STX18: variants seen among roughly 807,000 people sequenced by gnomAD.
STX18 encodes syntaxin 18.
A neutral mutation model predicts 50.1 loss-of-function variants in STX18; 40 were observed. That is an observed-to-expected ratio of 0.80 (90% CI 0.62 to 1.04). The LOEUF (loss-of-function observed/expected upper bound fraction) is 1.04. STX18 is among the 50% of genes least tolerant of loss of function. STX18 has a pLI of 0.00. For synonymous variants in STX18, 158 were observed against 151.8 expected (o/e 1.04, Z -0.30); for missense variants, 410 against 415.8 (o/e 0.99, Z 0.12).
At chr4:4,445,700 G>T (rs1726359073) in intron 5 of STX18, among the ~76,000 whole-genome samples, 1 of 152,092 alleles carries the variant, frequency 6.6e-6, no homozygotes, top group Admixed American at 6.5e-5. Context: ...GTGGAAGACA[G>T]AAATAAATGC....
At chr4:4,514,725 A>C (rs1730162987) in intron 1 of STX18, among the ~76,000 whole-genome samples, 1 of 152,114 alleles carries the variant, frequency 6.6e-6, no homozygotes, top group Non-Finnish European at 1.5e-5. Context: ...CAAAGGAGGT[A>C]CCCATACATT....
intron 1 of STX18, among the ~76,000 whole-genome samples, chr4:4,534,886 C>T (rs567082238): frequency 6.6e-6 from 1 of 152,380 alleles, no homozygotes; most frequent in East Asian, 1.9e-4. Flanking sequence ...ATTTACACAA[C>T]TAGGCAGTGG....
At chr4:4,447,145 GTTTTGGGATGTAGGA>G (rs897563051) in intron 5 of STX18, among the ~76,000 whole-genome samples, 10 of 152,176 alleles carry the variant, frequency 6.6e-5, no homozygotes, top group Middle Eastern at 3.2e-3. Flanking sequence ...TCAAATATTA[GTTTTGGGATGTAGGA>G]ATTGAGCAAC....
intron 9 of STX18, among the ~76,000 whole-genome samples, chr4:4,422,081 GC>G (rs1376395460): frequency 2.6e-5 from 4 of 152,156 alleles, no homozygotes; most frequent in African/African-American, 9.7e-5. Flanking sequence ...AGGGAGGAAG[GC>G]AGCATGTGGC....
intron 1 of STX18, chr4:4,477,955 C>A (rs1357979120): frequency 6.6e-6 from 1 of 152,204 alleles, no homozygotes; most frequent in Admixed American, 6.5e-5. Context: ...TCCACCCCTC[C>A]ATAACGATCG....
At chr4:4,466,363 A>C (rs561434601) in intron 2 of STX18, among the ~76,000 whole-genome samples, 1 of 152,302 alleles carries the variant, frequency 6.6e-6, no homozygotes, top group South Asian at 2.1e-4. Flanking sequence ...ACATGAAGGA[A>C]AGGGGTAGGA....
chr4:4,490,136 T>C (rs1728878211), intron 1 of STX18, among the ~76,000 whole-genome samples: 1 of 152,106 alleles, frequency 6.6e-6, no homozygotes, highest in Admixed American at 6.5e-5. Context: ...CACAAATACA[T>C]ATACACTTTT....
intron 1 of STX18, among the ~76,000 whole-genome samples, chr4:4,493,968 T>C (rs565860168): frequency 6.6e-6 from 1 of 152,340 alleles, no homozygotes; most frequent in East Asian, 1.9e-4. Flanking sequence ...TTCCCTCTCA[T>C]GCAAGAAAAG....
intron 1 of STX18, among the ~76,000 whole-genome samples, chr4:4,481,867 G>C (rs920932205): frequency 6.6e-6 from 1 of 152,170 alleles, no homozygotes; most frequent in Non-Finnish European, 1.5e-5. Flanking sequence ...CCACAGCAGC[G>C]AGTTTGTTGA....
At chr4:4,467,965 C>T (rs1025764580) in intron 2 of STX18, among the ~76,000 whole-genome samples, 4 of 152,144 alleles carry the variant, frequency 2.6e-5, no homozygotes, top group African/African-American at 9.7e-5. Flanking sequence ...TCAACAGGAT[C>T]AAAGGCTGTG....
At chr4:4,530,091 C>G (rs1731025251) in intron 1 of STX18, among the ~76,000 whole-genome samples, 1 of 151,932 alleles carries the variant, frequency 6.6e-6, no homozygotes, top group Non-Finnish European at 1.5e-5. Flanking sequence ...GCTATTAATT[C>G]TCCATTTCCT....
At chr4:4,509,383 T>C (rs1237798461) in intron 1 of STX18, among the ~76,000 whole-genome samples, 1 of 152,218 alleles carries the variant, frequency 6.6e-6, no homozygotes, top group East Asian at 1.9e-4. Flanking sequence ...TCTGTTCATG[T>C]CCTTTGCCCA....
At chr4:4,511,734 G>GTGTGTC (rs1426018810) in intron 1 of STX18, among the ~76,000 whole-genome samples, 5 of 149,902 alleles carry the variant, frequency 3.3e-5, no homozygotes, top group Non-Finnish European at 7.4e-5. Context: ...GTGTGTGTGT[G>GTGTGTC]TGTGTGTGTG....
At chr4:4,528,319 G>C (rs1730901619) in intron 1 of STX18, among the ~76,000 whole-genome samples, 1 of 152,112 alleles carries the variant, frequency 6.6e-6, no homozygotes, top group Non-Finnish European at 1.5e-5. Context: ...TGGATCATGA[G>C]GGTTGATCCC....
At chr4:4,470,415 T>C (rs1354875990) in intron 2 of STX18, among the ~76,000 whole-genome samples, 1 of 152,172 alleles carries the variant, frequency 6.6e-6, no homozygotes, top group African/African-American at 2.4e-5. Context: ...ACTTTAGGAC[T>C]AGGAGGAAAT....
At chr4:4,453,413 G>A (rs1386404458) in intron 5 of STX18, among the ~76,000 whole-genome samples, 1 of 152,168 alleles carries the variant, frequency 6.6e-6, no homozygotes, top group Non-Finnish European at 1.5e-5. Context: ...CCAACAAAAA[G>A]ATTACAACTC....
chr4:4,474,361 C>A (rs934100322), intron 1 of STX18, among the ~76,000 whole-genome samples: 1 of 152,188 alleles, frequency 6.6e-6, no homozygotes, highest in African/African-American at 2.4e-5. Context: ...AGCAGACCCT[C>A]AGAAACTTTT....
chr4:4,459,583 T>C, intron 2 of STX18, 96 bp from the exon 3 acceptor site: 1 of 863,500 alleles, frequency 1.2e-6, no homozygotes, highest in South Asian at 1.5e-5. Context: ...CCTGATCAGG[T>C]GACATTTAAG....
chr4:4,491,518 A>T (rs941959043), intron 1 of STX18, among the ~76,000 whole-genome samples: 2 of 152,138 alleles, frequency 1.3e-5, no homozygotes, highest in Non-Finnish European at 1.5e-5. Context: ...AATATGACAA[A>T]CCTTTAACCT....
Sources: gnomAD v4.1 joint callset for allele counts (sites outside exome capture counted in the v4.1 genomes callset) on GRCh38, gnomAD v4.1.1 for gene constraint, MANE v1.5 for transcripts, NCBI Gene and HGNC (gene_info 2026-07-23, HGNC 2026-07-21) for gene names.